CAMK1: variants seen among roughly 807,000 people sequenced by gnomAD.
The protein encoded by CAMK1 is calcium/calmodulin dependent protein kinase I.
In CAMK1, 39 loss-of-function variants were observed where a neutral mutation model predicts 49.1. That is an observed-to-expected ratio of 0.79 (90% confidence interval 0.62 to 1.04). CAMK1 has a LOEUF of 1.04. Among genes scored for constraint, CAMK1 ranks in the 50% least tolerant of loss-of-function variants. The pLI is 0.00. For synonymous variants in CAMK1, 192 were observed against 185.2 expected (o/e 1.04, Z -0.30); for missense variants, 457 against 472.2 (o/e 0.97, Z 0.30).
chr3:9,759,299 C>G, intron 10 of CAMK1, 189 bp downstream of exon 10: 3 of 1,603,306 alleles, frequency 1.9e-6, no homozygotes, highest in Non-Finnish European at 2.6e-6. Context: ...GAGGGACCCT[C>G]TCTGGAATAG....
Position 9,761,611 on chromosome 3 carries a change from C to T in CAMK1, c.556+20G>A, listed in dbSNP as rs373479502. On this transcript the variant is annotated intron_variant, in intron 6 of 11. Coordinates refer to ENST00000256460, the MANE Select transcript of CAMK1 (RefSeq NM_003656.5). ...CTGGTTCCCCCCACCATCACAGCCCCAGCCCAGGGCCCTCCGCACCCACGT... is the reference window on the plus strand; with the variant it reads ...CTGGTTCCCCCCACCATCACAGCCCTAGCCCAGGGCCCTCCGCACCCACGT... The T allele has an allele frequency of 6.2e-7, 1 of 1,613,902 alleles. No homozygotes were observed. Among genetic ancestry groups the T allele is most frequent in the Non-Finnish European group, 8.5e-7 (1 of 1,179,942 alleles).
intron 3 of CAMK1, among the ~76,000 whole-genome samples, chr3:9,764,101 C>G (rs1229954810): frequency 6.6e-6 from 1 of 152,188 alleles, no homozygotes. Context: ...TCCTCCAGCA[C>G]CTGGTACAGG....
intron 1 of CAMK1, among the ~76,000 whole-genome samples, chr3:9,768,066 A>G (rs1444616457): frequency 2.0e-5 from 3 of 152,078 alleles, no homozygotes; most frequent in Non-Finnish European, 4.4e-5. Context: ...ATCCAAATCC[A>G]AGCACCTAGG....
At chr3:9,764,611 GT>G (rs1310854701) in intron 3 of CAMK1, among the ~76,000 whole-genome samples, 32 of 125,144 alleles carry the variant, frequency 2.6e-4, no homozygotes, top group Admixed American at 5.1e-4. Context: ...TGCGCCTGGC[GT>G]TTTTGTTTTT....
intron 1 of CAMK1, among the ~76,000 whole-genome samples, chr3:9,768,583 C>T (rs2078220830): frequency 6.6e-6 from 1 of 152,226 alleles, no homozygotes; most frequent in African/African-American, 2.4e-5. Flanking sequence ...GACACCTGGC[C>T]TGGGGCCCCC....
chr3:9,758,996 G>T (rs1397558711), intron 10 of CAMK1: 1 of 613,156 alleles, frequency 1.6e-6, no homozygotes. Flanking sequence ...GTGCCCTCAG[G>T]ATCAAGTTGG....
chr3:9,759,947 T>C (rs1246559118), intron 8 of CAMK1, 197 bp from the exon 9 acceptor site: 9 of 749,150 alleles, frequency 1.2e-5, no homozygotes, highest in Middle Eastern at 3.8e-4. Context: ...CTTTCTCTCT[T>C]AAGAAAAACA....
intron 8 of CAMK1, 101 bp downstream of exon 8, chr3:9,760,555 G>A (rs1489569989): frequency 2.4e-6 from 3 of 1,236,852 alleles, no homozygotes; most frequent in Non-Finnish European, 3.5e-6. Context: ...TGTGGTGCTG[G>A]AAAATCCGAC....
chr3:9,759,154 G>T (rs200785702), intron 10 of CAMK1: 3 of 1,518,154 alleles, frequency 2.0e-6, no homozygotes, highest in South Asian at 2.2e-5. Flanking sequence ...ACATTATTCC[G>T]CTATGCCTCA....
rs925718348 is a variant in CAMK1 at position 9,761,703 on chromosome 3, C to T, written c.484G>A (p.Asp162Asn). The T allele has an allele frequency of 3.1e-6, 5 of 1,613,956 alleles. No individual in the cohort carries two copies. The highest frequency in any genetic ancestry group is 4.2e-6 in the Non-Finnish European group (5 of 1,180,030). ...TCCTCCATCTTGGAGAGGCCAAAGT[C>T]GGAGATCATGATTTTGGAGTCTTCA... Reference protein sequence around the residue: ...LDEDSKIMISDFGLSKMEDPG... With the variant: ...LDEDSKIMISNFGLSKMEDPG... Residue 162 changes from aspartate (D) to asparagine (N), a missense_variant, in exon 6 of 12, where the codon GAC becomes AAC. Physicochemically the swap from Asp to Asn is conservative, Grantham distance 23. Transcript: ENST00000256460.
At chr3:9,758,271 A>G (rs2077680342) in intron 10 of CAMK1, 1 of 159,388 alleles carries the variant, frequency 6.3e-6, no homozygotes, top group East Asian at 1.9e-4. Flanking sequence ...TCTATTCAAT[A>G]TCTCCACCTA....
At chr3:9,759,099 C>T (rs1202675435) in intron 10 of CAMK1, 1 of 1,088,518 alleles carries the variant, frequency 9.2e-7, no homozygotes. Flanking sequence ...TCAGCCCCTC[C>T]AGTCTGGCCA....
Position 9,757,644 on chromosome 3 carries a change from G to A in CAMK1, c.1031-23C>T. 1 of 1,614,114 alleles carries A rather than the reference G, an allele frequency of 6.2e-7. No homozygotes were observed. Among genetic ancestry groups the A allele is most frequent in the Non-Finnish European group, 8.5e-7 (1 of 1,180,008 alleles). ...GCCCTGCATGGGAAGACAGAACAGA[G>A]GTGGCCGCAGGGGCAGGCCCTCCAC... On this transcript the variant is annotated intron_variant, in intron 11 of 11. Transcript: ENST00000256460. This position sits in a 1 kb window ranked among gnomAD's most constrained non-coding sequence, Gnocchi z 4.5.
intron 10 of CAMK1, 183 bp from the exon 11 acceptor site, chr3:9,758,029 C>A: frequency 3.5e-6 from 3 of 852,552 alleles, no homozygotes; most frequent in Non-Finnish European, 5.2e-6. Flanking sequence ...TACACACACA[C>A]ACGCACATAT....
intron 3 of CAMK1, among the ~76,000 whole-genome samples, chr3:9,764,628 G>GTTTTTTTTTTTT (rs55972033): frequency 1.1e-5 from 1 of 92,330 alleles, no homozygotes; most frequent in Non-Finnish European, 2.1e-5. Context: ...TTTTTTTTTT[G>GTTTTTTTTTTTT]TTTTTTTTTT....
At chr3:9,759,145 C>G (rs1350574211) in intron 10 of CAMK1, 3 of 1,471,190 alleles carry the variant, frequency 2.0e-6, no homozygotes, top group Non-Finnish European at 2.9e-6. Flanking sequence ...TGGCTATAGA[C>G]ATTATTCCGC....
intron 2 of CAMK1, 32 bp from the exon 3 acceptor site, chr3:9,765,922 A>G (rs753598242): frequency 6.2e-7 from 1 of 1,614,006 alleles, no homozygotes; most frequent in East Asian, 2.2e-5. Flanking sequence ...AAGGTGAAGA[A>G]CTGGAACCCC....
chr3:9,763,076 T>C lies in CAMK1; in HGVS notation c.291-24A>G, dbSNP rs1334001150. On this transcript the variant is annotated intron_variant, in intron 4 of 11. Transcript: ENST00000256460. ...CCCTGCAGCAGGGGATAGGGCAGTC[T>C]GGCAAAGAGGGTTGGGACAGCTGGG... is the stretch of plus-strand genomic sequence containing the variant. 3.7e-6 allele frequency: 6 copies of C among 1,613,864 alleles called. No homozygotes were observed. The East Asian group carries it at 1.1e-4, about 30-fold the overall frequency.
chr3:9,759,834 C>T, intron 8 of CAMK1, 84 bp from the exon 9 acceptor site: 1 of 1,610,306 alleles, frequency 6.2e-7, no homozygotes, highest in East Asian at 2.2e-5. Flanking sequence ...TCCCTCAGGT[C>T]TGGCCTGGCA....
Sources: allele counts gnomAD v4.1 joint callset (sites outside exome capture counted in the v4.1 genomes callset), GRCh38; gene constraint gnomAD v4.1.1; non-coding constraint Gnocchi (gnomAD v3.1); transcripts MANE v1.5; gene names NCBI Gene and HGNC (gene_info 2026-07-23, HGNC 2026-07-21).